STPG2: variants seen among roughly 807,000 people sequenced by gnomAD.
STPG2 encodes sperm tail PG-rich repeat containing 2.
STPG2 carries 56 observed loss-of-function variants against 54.2 expected under a neutral mutation model. The ratio of observed to expected loss-of-function variants is 1.03; its 90% CI spans 0.83 to 1.29. The LOEUF is 1.29. Among genes scored for constraint, STPG2 ranks in the 50% most tolerant of loss-of-function variants. STPG2 has a pLI of 0.00. For synonymous variants in STPG2, 200 were observed against 181.8 expected, an observed-to-expected ratio of 1.10 and a Z score of -0.81; for missense variants, 596 against 544.9, an observed-to-expected ratio of 1.09 and a Z score of -0.93.
chr4:97,805,314 T>C (rs1360466200), intron 9 of STPG2, among the ~76,000 whole-genome samples: 1 of 152,142 alleles, frequency 6.6e-6, no homozygotes, highest in African/African-American at 2.4e-5. Context: ...GTTGAAGCAA[T>C]TCTCATGCCT....
At chr4:97,643,160 C>T (rs1721812083) in intron 10 of STPG2, among the ~76,000 whole-genome samples, 1 of 151,416 alleles carries the variant, frequency 6.6e-6, no homozygotes, top group Non-Finnish European at 1.5e-5. Flanking sequence ...AGAATGTAAC[C>T]TCATGGAGCT....
chr4:97,908,946 C>G (rs1350358956), intron 8 of STPG2, among the ~76,000 whole-genome samples: 2 of 150,858 alleles, frequency 1.3e-5, no homozygotes, highest in Non-Finnish European at 3.0e-5. Context: ...AGCGCACCAG[C>G]ATGGCACATG....
chr4:97,968,845 C>G (rs572434046), intron 7 of STPG2, among the ~76,000 whole-genome samples: 1 of 152,274 alleles, frequency 6.6e-6, no homozygotes, highest in African/African-American at 2.4e-5. Context: ...AAAGACAATG[C>G]CAGGCTGGGC....
intron 5 of STPG2, among the ~76,000 whole-genome samples, chr4:98,010,774 C>T (rs1735721478): frequency 6.6e-6 from 1 of 151,956 alleles, no homozygotes; most frequent in African/African-American, 2.4e-5. Flanking sequence ...TGCTTCGAAT[C>T]CTTTTGCTTT....
chr4:98,033,859 T>A (rs1195495562), intron 5 of STPG2, among the ~76,000 whole-genome samples: 1 of 152,156 alleles, frequency 6.6e-6, no homozygotes, highest in African/African-American at 2.4e-5. Flanking sequence ...ACCACATGAT[T>A]ATCTCAATAG....
At chr4:97,799,802 C>T (rs564034004) in intron 9 of STPG2, among the ~76,000 whole-genome samples, 54 of 152,288 alleles carry the variant, frequency 3.5e-4, no homozygotes, top group Non-Finnish European at 6.2e-4. Flanking sequence ...CCATTCTCCC[C>T]GTCACTTTCA....
At chr4:97,783,060 A>G (rs968974125) in intron 9 of STPG2, among the ~76,000 whole-genome samples, 1 of 152,248 alleles carries the variant, frequency 6.6e-6, no homozygotes, top group African/African-American at 2.4e-5. Flanking sequence ...CAATGGCAAC[A>G]AAAGCCAAAA....
chr4:97,671,496 G>C (rs1334454801), intron 10 of STPG2, among the ~76,000 whole-genome samples: 1 of 152,096 alleles, frequency 6.6e-6, no homozygotes, highest in Non-Finnish European at 1.5e-5. Context: ...TCTTGTTTTT[G>C]TGTTGCACTA....
chr4:97,475,420 A>G (rs948567396), intron 4 of STPG2, among the ~76,000 whole-genome samples: 2 of 150,542 alleles, frequency 1.3e-5, no homozygotes, highest in Non-Finnish European at 3.0e-5. Context: ...AATGTATACA[A>G]TGTTTATCAA....
At chr4:97,895,071 T>C (rs1730907701) in intron 8 of STPG2, among the ~76,000 whole-genome samples, 1 of 151,838 alleles carries the variant, frequency 6.6e-6, no homozygotes, top group Admixed American at 6.6e-5. Flanking sequence ...AGAATCACAA[T>C]AATTGTGGGC....
chr4:97,842,054 C>T (rs1728817044), intron 8 of STPG2, among the ~76,000 whole-genome samples: 1 of 151,766 alleles, frequency 6.6e-6, no homozygotes, highest in African/African-American at 2.4e-5. Flanking sequence ...CTTTTGAAGT[C>T]CCTCTAGGAG....
chr4:97,707,945 C>A (rs1348471191), intron 10 of STPG2, among the ~76,000 whole-genome samples: 1 of 152,052 alleles, frequency 6.6e-6, no homozygotes, highest in African/African-American at 2.4e-5. Context: ...AACAAGCATG[C>A]AAAACATGGT....
At chr4:97,681,222 T>G (rs1356233483) in intron 10 of STPG2, among the ~76,000 whole-genome samples, 1 of 151,914 alleles carries the variant, frequency 6.6e-6, no homozygotes, top group Non-Finnish European at 1.5e-5. Context: ...AAATATAAAA[T>G]ACAAATTTTG....
intron 10 of STPG2, among the ~76,000 whole-genome samples, chr4:97,620,446 G>A (rs762912132): frequency 2.0e-5 from 3 of 152,050 alleles, no homozygotes; most frequent in Admixed American, 6.6e-5. Flanking sequence ...CTATTTAGTT[G>A]GCTCAGTTTG....
At chr4:97,684,509 G>A (rs556618584) in intron 10 of STPG2, among the ~76,000 whole-genome samples, 3 of 151,884 alleles carry the variant, frequency 2.0e-5, no homozygotes, top group Non-Finnish European at 4.4e-5. Context: ...AAAGAAAAAT[G>A]GTTCCGGAAA....
intron 10 of STPG2, among the ~76,000 whole-genome samples, chr4:97,662,681 G>A (rs568831034): frequency 6.6e-6 from 1 of 152,126 alleles, no homozygotes; most frequent in East Asian, 1.9e-4. Flanking sequence ...ACAAATTAAT[G>A]CAGGAACAGC....
At chr4:98,037,572 GT>G (rs1338295573) in intron 5 of STPG2, among the ~76,000 whole-genome samples, 1 of 151,848 alleles carries the variant, frequency 6.6e-6, no homozygotes, top group East Asian at 1.9e-4. Flanking sequence ...AACATAGTAT[GT>G]CTTAGTGGAT....
At chr4:97,779,853 A>G (rs1726543349) in intron 9 of STPG2, among the ~76,000 whole-genome samples, 1 of 152,184 alleles carries the variant, frequency 6.6e-6, no homozygotes, top group South Asian at 2.1e-4. Flanking sequence ...TGAAGGAGAA[A>G]TAAAATCCTT....
In STPG2 at chr4:97,944,164, G is replaced by A. The variant is rs542468900; in HGVS notation, c.934-157C>T. ...AATAAAATTTTCAAAATATGACACA[G>A]AAAGAAAAAGCTGTAAGTCAATGAG... On this transcript the variant is annotated intron_variant, in intron 7 of 10. Transcript: ENST00000295268. Among the ~76,000 whole-genome samples the A allele has an allele frequency of 1.3e-4, 19 of 151,982 alleles. No homozygotes were observed. In the South Asian group the frequency reaches 3.5e-3, roughly 28 times the overall value.
Sources: allele counts gnomAD v4.1 joint callset (sites outside exome capture counted in the v4.1 genomes callset), GRCh38; gene constraint gnomAD v4.1.1; transcripts MANE v1.5; gene names NCBI Gene and HGNC (gene_info 2026-07-23, HGNC 2026-07-21).